The following ZNF280B variants were observed in gnomAD, a reference collection of about 807,000 sequenced individuals.
The protein encoded by ZNF280B is suppressor of hairy wing homolog 2.
Under a neutral mutation model 38.0 loss-of-function variants are expected in ZNF280B, and 16 were observed. The ratio of observed to expected loss-of-function variants is 0.42; its 90% confidence interval spans 0.28 to 0.64. The LOEUF (loss-of-function observed/expected upper bound fraction) is 0.64. Ranked by LOEUF, ZNF280B falls within the 30% of genes least tolerant of loss-of-function variation. The pLI is 0.21. For synonymous variants in ZNF280B, 253 were observed against 230.6 expected, an observed-to-expected ratio of 1.10 and a Z score of -0.88; for missense variants, 581 against 639.6, an observed-to-expected ratio of 0.91 and a Z score of 0.99.
intron 2 of ZNF280B, among the ~76,000 whole-genome samples, chr22:22,496,083 G>C (rs2061687989): frequency 6.7e-6 from 1 of 149,588 alleles, no homozygotes; most frequent in South Asian, 2.1e-4. Context: ...TGAGATTACA[G>C]GCGTGAGCCA....
intron 2 of ZNF280B, among the ~76,000 whole-genome samples, chr22:22,501,950 A>T (rs537057970): frequency 6.6e-6 from 1 of 151,600 alleles, no homozygotes; most frequent in Non-Finnish European, 1.5e-5. Flanking sequence ...AAAAAAAAAA[A>T]TTTAAATTTA....
intron 2 of ZNF280B, among the ~76,000 whole-genome samples, chr22:22,504,130 A>C (rs751514481): frequency 1.3e-5 from 2 of 152,044 alleles, no homozygotes; most frequent in Admixed American, 6.6e-5. Flanking sequence ...AACAAAGAAT[A>C]AGATTAAAAT....
At position 22,488,558 on chromosome 22, in the gene ZNF280B, G is replaced by A; in HGVS notation, c.841C>T (p.Pro281Ser). 1 of 1,613,854 alleles carries A rather than the reference G, an allele frequency of 6.2e-7. No homozygotes were observed. Among genetic ancestry groups the A allele is most frequent in the Non-Finnish European group, 8.5e-7 (1 of 1,179,966 alleles). ...NKTFDPKKEN[P>S]IVLLSDFYYG... is the part of the protein sequence containing the mutation. ...TAAAAGTCACTAAGTAACACAATGG[G>A]ATTTTCTTTCTTGGGATCAAAGGTC... Residue 281 changes from proline (P) to serine (S), a missense_variant, in exon 4 of 4, where the codon CCC becomes TCC. Pro to Ser is a moderately conservative substitution (Grantham distance 74). Coordinates refer to ENST00000626650, the MANE Select transcript of ZNF280B (RefSeq NM_080764.4).
Position 22,487,776 on chromosome 22 carries a change from C to T in ZNF280B, c.1623G>A (p.Lys541=). Residue 541 remains lysine (K), a synonymous_variant, in exon 4 of 4, where the codon AAG becomes AAA. Coordinates refer to ENST00000626650, the MANE Select transcript of ZNF280B (RefSeq NM_080764.4). The part of the protein sequence containing the change: ...LPRSKSKISK[K]SH ...TTTACTGAAACTAGAATTAATGGGA[C>T]TTTTTTGAAATTTTGCTTTTAGACC... The T allele has an allele frequency of 6.4e-7, 1 of 1,571,194 alleles. No individual in the cohort carries two copies. The highest frequency in any genetic ancestry group is 8.6e-7 in the Non-Finnish European group (1 of 1,162,908).
At chr22:22,507,671 CA>C (rs1417409390) in intron 2 of ZNF280B, 138 bp downstream of exon 2, 1 of 151,672 alleles carries the variant, frequency 6.6e-6, no homozygotes, top group Non-Finnish European at 1.5e-5. Flanking sequence ...CTGAACTAAT[CA>C]AACACATCAT....
At chr22:22,497,924 A>G (rs1305638539) in intron 2 of ZNF280B, among the ~76,000 whole-genome samples, 5 of 151,940 alleles carry the variant, frequency 3.3e-5, no homozygotes, top group African/African-American at 9.7e-5. Context: ...TATAGCAACA[A>G]CTCATAATAA....
intron 2 of ZNF280B, among the ~76,000 whole-genome samples, chr22:22,499,079 G>A (rs1352550582): frequency 3.3e-5 from 5 of 151,442 alleles, no homozygotes; most frequent in Non-Finnish European, 7.4e-5. Flanking sequence ...GATTACAGGC[G>A]TGAGCCACTG....
chr22:22,487,105 T>C lies in ZNF280B; in HGVS notation c.*662A>G, dbSNP rs1164092052. 2 of 151,650 alleles carry C rather than the reference T, an allele frequency of 1.3e-5. No homozygotes were observed. The highest frequency in any genetic ancestry group is 2.0e-4 in the East Asian group (1 of 5,086). 9.4% of individuals were successfully genotyped at this position (151,650 alleles called of 1,614,324 possible). On this transcript the variant is annotated 3_prime_UTR_variant, in exon 4 of 4. Coordinates refer to ENST00000626650, the MANE Select transcript of ZNF280B (RefSeq NM_080764.4). ...TCAAAAATTCTATGAATTCTGTATA[T>C]AGAAAAAAGAGCTTTCAAGCTTAGG...
rs2061505060 is a variant in ZNF280B at position 22,486,597 on chromosome 22, G to C, written c.*1170C>G. ...AATTCACCTTTAGATCACAGAACAG[G>C]AAGTCAGCTAGTACCAGGCACCATT... is the stretch of plus-strand genomic sequence containing the variant. On this transcript the variant is annotated 3_prime_UTR_variant, in exon 4 of 4. Transcript: ENST00000626650. 1 of 152,226 alleles carries C rather than the reference G, an allele frequency of 6.6e-6. No individual in the cohort carries two copies. Among genetic ancestry groups the C allele is most frequent in the African/African-American group, 2.4e-5 (1 of 41,390 alleles). 9.4% of individuals were successfully genotyped at this position (152,226 alleles called of 1,614,324 possible). A position where few individuals can be genotyped will look rare whatever the true frequency, so the allele number is the denominator to read the frequency against.
At chr22:22,492,608 T>C (rs62225048) in intron 3 of ZNF280B, among the ~76,000 whole-genome samples, 143,454 of 152,004 alleles carry the variant, frequency 0.94, 67,761 homozygotes, top group East Asian at 1. Context: ...AATATCTGGC[T>C]GGGCACGGTG....
chr22:22,488,623 A>C lies in ZNF280B; in HGVS notation c.776T>G (p.Leu259Trp). The C allele has an allele frequency of 6.2e-7, 1 of 1,613,848 alleles. No homozygotes were observed. The highest frequency in any genetic ancestry group is 8.5e-7 in the Non-Finnish European group (1 of 1,179,956). ...TAGACTCAAAATGTCTGTTTTTGCC[A>C]ATTCATTTGCCCTATCAAGATTTGT... ...INTNLDRANELAKTDILSLTS... is the reference protein window; with the variant it reads ...INTNLDRANEWAKTDILSLTS... The change falls in exon 4 of 4, where the codon TTG becomes TGG. Residue 259 changes from leucine (L) to tryptophan (W), a missense_variant. Coordinates refer to ENST00000626650, the MANE Select transcript of ZNF280B (RefSeq NM_080764.4).
chr22:22,501,019 CAA>C (rs56907724), intron 2 of ZNF280B, among the ~76,000 whole-genome samples: 791 of 60,156 alleles, frequency 0.013, 2 homozygotes, highest in African/African-American at 0.039. Context: ...GACTCCGTCT[CAA>C]AAAAAAAAAA....
intron 2 of ZNF280B, among the ~76,000 whole-genome samples, chr22:22,504,918 T>C (rs1021999500): frequency 2.6e-5 from 4 of 151,978 alleles, no homozygotes; most frequent in South Asian, 2.1e-4. Flanking sequence ...TCTGGTGATA[T>C]AGCAGTGATC....
Position 22,487,752 on chromosome 22 carries a change from T to G in ZNF280B, c.*15A>C. On this transcript the variant is annotated 3_prime_UTR_variant, in exon 4 of 4. Coordinates refer to ENST00000626650, the MANE Select transcript of ZNF280B (RefSeq NM_080764.4). ...TTGGTTTGAAATACTTGCTTTAGAT[T>G]TACTGAAACTAGAATTAATGGGACT... The G allele has an allele frequency of 6.4e-7, 1 of 1,553,246 alleles. No homozygotes were observed. The highest frequency in any genetic ancestry group is 8.7e-7 in the Non-Finnish European group (1 of 1,154,968).
At chr22:22,503,557 G>A (rs969090558) in intron 2 of ZNF280B, among the ~76,000 whole-genome samples, 1 of 151,964 alleles carries the variant, frequency 6.6e-6, no homozygotes, top group African/African-American at 2.4e-5. Context: ...GCTAGTATCA[G>A]GTGGTCAATT....
Position 22,484,980 on chromosome 22 carries a change from G to A in ZNF280B, c.*2787C>T, listed in dbSNP as rs1200821828. ...AGCAAGCCATGCAGGCCTAGGGGAAGGGCATTCTAAGAAAGACAACAGCAT... is the reference window on the plus strand; with the variant it reads ...AGCAAGCCATGCAGGCCTAGGGGAAAGGCATTCTAAGAAAGACAACAGCAT... On this transcript the variant is annotated 3_prime_UTR_variant, in exon 4 of 4. Coordinates refer to ENST00000626650, the MANE Select transcript of ZNF280B (RefSeq NM_080764.4). 1.3e-5 allele frequency: 2 copies of A among 152,268 alleles called. No individual in the cohort carries two copies. Among genetic ancestry groups the A allele is most frequent in the African/African-American group, 2.4e-5 (1 of 41,336 alleles). The allele number at this position is 152,268 out of a possible 1,614,324, so 9.4% of individuals were successfully genotyped here.
At chr22:22,504,875 AG>A (rs2061903294) in intron 2 of ZNF280B, among the ~76,000 whole-genome samples, 1 of 152,124 alleles carries the variant, frequency 6.6e-6, no homozygotes, top group African/African-American at 2.4e-5. Flanking sequence ...ATTCAATAAA[AG>A]TTTGGTGGGC....
At chr22:22,489,861 T>A (rs1376994298) in intron 3 of ZNF280B, among the ~76,000 whole-genome samples, 3 of 151,938 alleles carry the variant, frequency 2.0e-5, no homozygotes, top group Non-Finnish European at 1.5e-5. Context: ...TACTTTTAAA[T>A]GTATTTTGCT....
Position 22,488,279 on chromosome 22 carries a change from C to G in ZNF280B, c.1120G>C (p.Val374Leu). Residue 374 changes from valine (V) to leucine (L), a missense_variant, in exon 4 of 4, where the codon GTC becomes CTC. Physicochemically the swap from Val to Leu is conservative, Grantham distance 32 (BLOSUM62 1). Coordinates refer to ENST00000626650, the MANE Select transcript of ZNF280B (RefSeq NM_080764.4). ...AATGACAATTCACAGATTTTACAGA[C>G]AGTAGAGGGCTCCTGGGCAGTGTGG... ...NVHTAQEPSTVCKICELSFET... is the reference protein window; with the variant it reads ...NVHTAQEPSTLCKICELSFET... The G allele has an allele frequency of 6.2e-7, 1 of 1,613,852 alleles. No individual in the cohort carries two copies. Among genetic ancestry groups the G allele is most frequent in the Non-Finnish European group, 8.5e-7 (1 of 1,179,974 alleles).
Sources: gnomAD v4.1 joint callset for allele counts (sites outside exome capture counted in the v4.1 genomes callset) on GRCh38, gnomAD v4.1.1 for gene constraint, MANE v1.5 for transcripts, NCBI Gene and HGNC (gene_info 2026-07-23, HGNC 2026-07-21) for gene names.